MMP9: variants seen among roughly 807,000 people sequenced by gnomAD.
The protein encoded by MMP9 is matrix metallopeptidase 9.
MMP9 carries 73 observed loss-of-function variants against 76.4 expected under a neutral mutation model. The ratio of observed to expected loss-of-function variants is 0.96; its 90% CI spans 0.79 to 1.16. MMP9 has a LOEUF of 1.16. MMP9 is among the 50% of genes most tolerant of loss of function. MMP9 has a pLI of 0.00. For missense variants in MMP9, 943 were observed against 973.0 expected (o/e 0.97, Z 0.41); for synonymous variants, 412 against 408.4 (o/e 1.01, Z -0.11).
intron 10 of MMP9, 120 bp from the exon 11 acceptor site, chr20:46,014,004 G>A: frequency 6.8e-7 from 1 of 1,474,192 alleles, no homozygotes; most frequent in Admixed American, 2.0e-5. Flanking sequence ...TCTGCCCCTG[G>A]GTTGCAGGGA....
chr20:46,012,113 A>G, intron 6 of MMP9, 24 bp from the exon 7 acceptor site: 1 of 1,612,280 alleles, frequency 6.2e-7, no homozygotes, highest in Non-Finnish European at 8.5e-7. Flanking sequence ...CATCTGGCTC[A>G]TCCAAGGCCT....
In MMP9 at chr20:46,012,580, A is replaced by G. The variant is rs772372699; in HGVS notation, c.1328A>G (p.Tyr443Cys). The change falls in exon 8 of 13, where the codon TAT becomes TGT. Residue 443 changes from tyrosine to cysteine, a missense_variant and splice_region_variant. By Grantham distance (194) the Tyr-to-Cys change is radical (BLOSUM62 -2). Transcript: ENST00000372330. ...KDDVNGIRHL[Y>C]GPRPEPEPRP... is the part of the protein sequence containing the mutation. ...GACGTGAATGGCATCCGGCACCTCT[A>G]TGGTGAGGCAGGGGCAGGGATGGGA... The G allele has an allele frequency of 1.3e-6, 2 of 1,502,724 alleles. No individual in the cohort carries two copies. The highest frequency in any genetic ancestry group is 1.8e-6 in the Non-Finnish European group (2 of 1,109,522). The allele number at this position is 1,502,724 out of a possible 1,614,324, so 93.1% of individuals were successfully genotyped here.
rs2084320386 is a variant in MMP9, at chr20:46,016,165, G to A, written c.2006-85G>A. The A allele has an allele frequency of 3.9e-6, 5 of 1,265,916 alleles. No individual in the cohort carries two copies. In the South Asian group the frequency reaches 4.8e-5, roughly 12 times the overall value. 78.4% of individuals were successfully genotyped at this position (1,265,916 alleles called of 1,614,324 possible). ...TTAGAAAGTTCTAGAAATGGCAGAA[G>A]AGATGGTTGTCAAGATCTTGTTCCT... On this transcript the variant is annotated intron_variant, in intron 12 of 12. Coordinates refer to ENST00000372330, the MANE Select transcript of MMP9 (RefSeq NM_004994.3).
chr20:46,014,333 G>C (rs1219087980), intron 11 of MMP9, 38 bp from the exon 12 acceptor site: 1 of 1,542,476 alleles, frequency 6.5e-7, no homozygotes, highest in African/African-American at 1.4e-5. Flanking sequence ...CCGTCCGCTA[G>C]CCGGCTCAGC....
At position 46,010,061 on chromosome 20, in the gene MMP9, G is replaced by A. The variant is rs1483332362; in HGVS notation, c.334G>A (p.Gly112Ser). 7 of 1,550,682 alleles carry A rather than the reference G, an allele frequency of 4.5e-6. No individual in the cohort carries two copies. In the South Asian group the frequency reaches 7.1e-5, roughly 16 times the overall value. Residue 112 changes from glycine to serine, a missense_variant, in exon 2 of 13, where the codon GGC (glycine) becomes AGC (serine). Coordinates refer to ENST00000372330, the MANE Select transcript of MMP9 (RefSeq NM_004994.3). ...CCTGGGCAGATTCCAAACCTTTGAG[G>A]GCGACCTCAAGTGGCACCACCACAA... ...PDLGRFQTFE[G>S]DLKWHHHNIT...
Position 46,013,783 on chromosome 20 carries a change from T to C in MMP9, c.1737T>C (p.Leu579=), listed in dbSNP as rs746270965. 2.0e-5 allele frequency: 32 copies of C among 1,612,806 alleles called. No homozygotes were observed. Among genetic ancestry groups the C allele is most frequent in the Non-Finnish European group, 4.2e-6 (5 of 1,179,974 alleles). ...TTGAGGAGCGGCTCTCCAAGAAGCTTTTCTTCTTCTCTGGTTAGTTACCTA... is the reference window on the plus strand; with the variant it reads ...TTGAGGAGCGGCTCTCCAAGAAGCTCTTCTTCTTCTCTGGTTAGTTACCTA... ...SVFEERLSKK[L]FFFSGRQVWV... The change falls in exon 10 of 13, where the codon CTT becomes CTC. Residue 579 remains leucine (L), a synonymous_variant. Transcript: ENST00000372330. This position sits in a 1 kb window ranked among gnomAD's most constrained non-coding sequence, Gnocchi z 4.5.
At chr20:46,011,429 C>T (rs2084278003) in intron 5 of MMP9, 113 bp downstream of exon 5, 3 of 1,568,046 alleles carry the variant, frequency 1.9e-6, no homozygotes, top group Admixed American at 1.7e-5. Context: ...CCCTCCCGCA[C>T]TCTGGGCCCA....
Position 46,009,861 on chromosome 20 carries a change from C to T in MMP9, c.139-5C>T, listed in dbSNP as rs200040822. Reference sequence around the variant, plus strand: ...TCTGGCATGTGTGTGTCCCTTCATCCACAGGAATACCTGTACCGCTATGGT... The same window carrying T: ...TCTGGCATGTGTGTGTCCCTTCATCTACAGGAATACCTGTACCGCTATGGT... On this transcript the variant is annotated splice_region_variant and splice_polypyrimidine_tract_variant and intron_variant, in intron 1 of 12. Transcript: ENST00000372330. The T allele has an allele frequency of 2.4e-4, 370 of 1,550,676 alleles. No individual in the cohort carries two copies. The highest frequency in any genetic ancestry group is 3.2e-4 in the Non-Finnish European group (363 of 1,146,144).
rs1022599734 is a variant in MMP9, at chr20:46,014,434, C to T, written c.1965C>T (p.Pro655=). The T allele has an allele frequency of 7.7e-6, 12 of 1,550,408 alleles. No homozygotes were observed. In the South Asian group the frequency reaches 1.1e-4, roughly 14 times the overall value. The change falls in exon 12 of 13, where the codon CCC becomes CCT. Residue 655 remains proline, a synonymous_variant. Transcript: ENST00000372330. ...CCAGCGAGGTGGACCGGATGTTCCC[C>T]GGGGTGCCTTTGGACACGCACGACG... The part of the protein sequence containing the change: ...RSASEVDRMF[P]GVPLDTHDVF...
In MMP9 at chr20:46,012,189, C is replaced by T; in HGVS notation, c.1050C>T (p.Pro350=). The T allele has an allele frequency of 6.2e-7, 1 of 1,614,182 alleles. No individual in the cohort carries two copies. Among genetic ancestry groups the T allele is most frequent in the African/African-American group, 1.3e-5 (1 of 75,074 alleles). ...GNSAGELCVF[P]FTFLGKEYST... ...CGGCGGGGGAGCTGTGCGTCTTCCC[C>T]TTCACTTTCCTGGGTAAGGAGTACT... is the stretch of plus-strand genomic sequence containing the variant. The change falls in exon 7 of 13, where the codon CCC becomes CCT. Residue 350 remains proline, a synonymous_variant. Coordinates refer to ENST00000372330, the MANE Select transcript of MMP9 (RefSeq NM_004994.3).
At position 46,011,663 on chromosome 20, in the gene MMP9, G is replaced by C; in HGVS notation, c.913G>C (p.Asp305His). ...CCAATCCTACTCCGCCTGCACCACGGACGGTCGCTCCGACGGCTACCGCTG... is the reference window on the plus strand; with the variant it reads ...CCAATCCTACTCCGCCTGCACCACGCACGGTCGCTCCGACGGCTACCGCTG... The part of the protein sequence containing the change: ...QGQSYSACTT[D>H]GRSDGYRWCA... Residue 305 changes from aspartate to histidine, a missense_variant, in exon 6 of 13, where the codon GAC (aspartate) becomes CAC (histidine). Physicochemically the swap from Asp to His is moderately conservative, Grantham distance 81. Transcript: ENST00000372330. The C allele has an allele frequency of 6.2e-7, 1 of 1,614,018 alleles. No homozygotes were observed. Among genetic ancestry groups the C allele is most frequent in the Non-Finnish European group, 8.5e-7 (1 of 1,180,018 alleles).
At position 46,016,238 on chromosome 20, in the gene MMP9, T is replaced by A; in HGVS notation, c.2006-12T>A. The A allele has an allele frequency of 6.2e-7, 1 of 1,610,650 alleles. No homozygotes were observed. Among genetic ancestry groups the A allele is most frequent in the Non-Finnish European group, 8.5e-7 (1 of 1,176,770 alleles). On this transcript the variant is annotated splice_polypyrimidine_tract_variant and intron_variant, in intron 12 of 12. Coordinates refer to ENST00000372330, the MANE Select transcript of MMP9 (RefSeq NM_004994.3). ...TAGAATCACTCCTCTTATGCCTGCC[T>A]GTCTCCTGCAGAGAAAGCCTATTTC...
intron 2 of MMP9, 85 bp from the exon 3 acceptor site, chr20:46,010,398 T>C: frequency 6.8e-7 from 1 of 1,468,010 alleles, no homozygotes; most frequent in Non-Finnish European, 9.5e-7. Context: ...TTGTGTATGT[T>C]GAAGTCTCTG....
rs2084281204 is a variant in MMP9 at position 46,011,763 on chromosome 20, C to A, written c.997+16C>A. The A allele has an allele frequency of 6.2e-7, 1 of 1,604,790 alleles. No homozygotes were observed. The highest frequency in any genetic ancestry group is 8.5e-7 in the Non-Finnish European group (1 of 1,178,120). On this transcript the variant is annotated intron_variant, in intron 6 of 12. Coordinates refer to ENST00000372330, the MANE Select transcript of MMP9 (RefSeq NM_004994.3). ...CCGACCCGAGGTACCTCCACCCTGT[C>A]TACCAGGTTCAGCCCCGCCCTCTCA...
intron 5 of MMP9, 124 bp from the exon 6 acceptor site, chr20:46,011,450 C>T: frequency 6.4e-7 from 1 of 1,564,544 alleles, no homozygotes; most frequent in Non-Finnish European, 8.8e-7. Context: ...ATTTTCTCAT[C>T]TGAGAAATGA....
intron 7 of MMP9, 41 bp downstream of exon 7, chr20:46,012,354 A>G (rs201293835): frequency 6.2e-7 from 1 of 1,611,154 alleles, no homozygotes; most frequent in Non-Finnish European, 8.5e-7. Flanking sequence ...GGTTCCCGGC[A>G]GTGGTGGTGG....
At position 46,008,935 on chromosome 20, in the gene MMP9, C is replaced by CT. The variant is rs1836470483; in HGVS notation, c.10dup (p.Trp4LeufsTer82). The CT allele has an allele frequency of 1.2e-6, 2 of 1,613,652 alleles. No homozygotes were observed. Among genetic ancestry groups the CT allele is most frequent in the Non-Finnish European group, 1.7e-6 (2 of 1,179,998 alleles). ...ACACCTCTGCCCTCACCATGAGCCT[C>CT]TGGCAGCCCCTGGTCCTGGTGCTCC... On this transcript the variant is annotated frameshift_variant, in exon 1 of 13. Coordinates refer to ENST00000372330, the MANE Select transcript of MMP9 (RefSeq NM_004994.3). LOFTEE classifies it high-confidence loss of function.
chr20:46,009,159 G>A (rs2084260459), intron 1 of MMP9, 95 bp downstream of exon 1: 3 of 1,372,566 alleles, frequency 2.2e-6, no homozygotes, highest in South Asian at 1.2e-5. Flanking sequence ...GATGCTTTAG[G>A]GGTGTGTTGG....
chr20:46,010,543 C>T lies in MMP9; in HGVS notation c.432C>T (p.Ala144=), dbSNP rs375590388. Residue 144 remains alanine (A), a synonymous_variant, in exon 3 of 13, where the codon GCC becomes GCT. Transcript: ENST00000372330. ...TGATTGACGACGCCTTTGCCCGCGC[C>T]TTCGCACTGTGGAGCGCGGTGACGC... The part of the protein sequence containing the change: ...RAVIDDAFAR[A]FALWSAVTPL... 13 of 1,614,128 alleles carry T rather than the reference C, an allele frequency of 8.1e-6. No homozygotes were observed. In the African/African-American group the frequency reaches 1.7e-4, roughly 22 times the overall value.
Sources: gnomAD v4.1 joint callset for allele counts on GRCh38, gnomAD v4.1.1 for gene constraint, Gnocchi (gnomAD v3.1) non-coding constraint, MANE v1.5 for transcripts, NCBI Gene and HGNC (gene_info 2026-07-23, HGNC 2026-07-21) for gene names.